Variants in ZNF695 observed in about 807,000 individuals in gnomAD.
ZNF695 encodes zinc finger protein SBZF3.
A neutral mutation model predicts 11.2 loss-of-function variants in ZNF695; 11 were observed. The observed-to-expected ratio is 0.98, with a 90% CI of 0.62 to 1.62. ZNF695 has a LOEUF of 1.62. Among genes scored for constraint, ZNF695 ranks in the 40% most tolerant of loss-of-function variants. The pLI is 0.00. For missense variants in ZNF695, 559 were observed against 590.5 expected (o/e 0.95, Z 0.55); for synonymous variants, 190 against 201.4 (o/e 0.94, Z 0.48).
chr1:246,976,588 A>C (rs1293565239), intron 4 of ZNF695, among the ~76,000 whole-genome samples: 1 of 151,576 alleles, frequency 6.6e-6, no homozygotes, highest in Non-Finnish European at 1.5e-5. Context: ...AGGTGAGGAG[A>C]TCGAGACCAT....
At chr1:246,992,747 AG>A (rs1162310859) in intron 3 of ZNF695, among the ~76,000 whole-genome samples, 1 of 152,212 alleles carries the variant, frequency 6.6e-6, no homozygotes, top group Admixed American at 6.5e-5. Context: ...AAGGGTTTGC[AG>A]GTGAGCACAA....
intron 5 of ZNF695, among the ~76,000 whole-genome samples, chr1:246,964,829 G>A (rs946204580): frequency 6.6e-6 from 1 of 151,846 alleles, no homozygotes; most frequent in African/African-American, 2.4e-5. Flanking sequence ...TGAGATCGCG[G>A]CACTGCACTC....
chr1:246,984,652 G>C (rs1334341705), downstream of ZNF695, among the ~76,000 whole-genome samples: 1 of 152,070 alleles, frequency 6.6e-6, no homozygotes, highest in Non-Finnish European at 1.5e-5. Flanking sequence ...TTGCCCAATA[G>C]AGTCAATAAA....
chr1:246,993,098 CAT>C (rs1446810430), intron 3 of ZNF695, among the ~76,000 whole-genome samples: 1 of 152,108 alleles, frequency 6.6e-6, no homozygotes, highest in African/African-American at 2.4e-5. Context: ...TAAGAGGAAA[CAT>C]GTGAAAACCT....
intron 5 of ZNF695, among the ~76,000 whole-genome samples, chr1:246,946,339 TGTTC>T (rs1667734225): frequency 6.6e-6 from 1 of 152,104 alleles, no homozygotes; most frequent in African/African-American, 2.4e-5. Context: ...AGCCTTTGCC[TGTTC>T]TTGCCTTGCC....
intron 3 of ZNF695, among the ~76,000 whole-genome samples, chr1:246,990,108 TGAAG>T (rs202245310): frequency 2.3e-3 from 276 of 122,400 alleles, no homozygotes; most frequent in African/African-American, 7.1e-3. Context: ...AAGGAATGAA[TGAAG>T]GAAGGAAGGA....
At chr1:246,956,700 A>G (rs1198483458) in intron 5 of ZNF695, among the ~76,000 whole-genome samples, 1 of 152,098 alleles carries the variant, frequency 6.6e-6, no homozygotes, top group Non-Finnish European at 1.5e-5. Context: ...TCATGAAACT[A>G]TTATTGTTAT....
chr1:246,976,631 A>G (rs1217540202), intron 4 of ZNF695, among the ~76,000 whole-genome samples: 7 of 151,614 alleles, frequency 4.6e-5, no homozygotes, highest in Non-Finnish European at 1.0e-4. Flanking sequence ...CGTCTCTACT[A>G]AAAATACAAA....
At chr1:246,980,464 T>G (rs1668679379), downstream of ZNF695, among the ~76,000 whole-genome samples, 4 of 149,914 alleles carry the variant, frequency 2.7e-5, no homozygotes, top group African/African-American at 7.4e-5. Flanking sequence ...TCGCTCAGAC[T>G]GGAGTGCAGT....
intron 3 of ZNF695, among the ~76,000 whole-genome samples, chr1:246,991,838 T>C (rs1424994781): frequency 6.6e-6 from 1 of 152,202 alleles, no homozygotes; most frequent in African/African-American, 2.4e-5. Context: ...CCAGCACTAT[T>C]CACAACAGCC....
chr1:246,996,866 T>TAC (rs1181498666), intron 3 of ZNF695, among the ~76,000 whole-genome samples: 4 of 152,086 alleles, frequency 2.6e-5, no homozygotes, highest in East Asian at 3.8e-4. Flanking sequence ...GCCAGGCAAA[T>TAC]ACACACACAC....
At chr1:246,984,795 A>G (rs772197592), downstream of ZNF695, among the ~76,000 whole-genome samples, 18 of 152,252 alleles carry the variant, frequency 1.2e-4, no homozygotes, top group African/African-American at 1.7e-4. Context: ...GGAATTATTC[A>G]CATCTTCAGA....
chr1:246,971,876 G>A (rs1054677921), intron 4 of ZNF695, among the ~76,000 whole-genome samples: 35 of 151,994 alleles, frequency 2.3e-4, no homozygotes, highest in East Asian at 3.9e-4. Context: ...CACCACACCC[G>A]GCTAATTTTT....
chr1:246,956,188 C>A (rs930996385), intron 5 of ZNF695, among the ~76,000 whole-genome samples: 7 of 151,142 alleles, frequency 4.6e-5, no homozygotes, highest in South Asian at 2.1e-4. Flanking sequence ...TGGGGTTTCA[C>A]CAAGTTGGCC....
intron 4 of ZNF695, among the ~76,000 whole-genome samples, chr1:246,970,401 C>G (rs1668396241): frequency 6.6e-6 from 1 of 152,146 alleles, no homozygotes; most frequent in African/African-American, 2.4e-5. Flanking sequence ...GGAATCCAAA[C>G]AGAGCCCAAG....
chr1:246,987,040 T>C lies in ZNF695; in HGVS notation c.1475A>G (p.Tyr492Cys), dbSNP rs567370243. The change falls in exon 4 of 4, where the codon TAC (tyrosine) becomes TGC (cysteine). Residue 492 changes from tyrosine (Y) to cysteine (C), a missense_variant. Physicochemically the swap from Tyr to Cys is radical, Grantham distance 194. Coordinates refer to ENST00000339986, the MANE Select transcript of ZNF695 (RefSeq NM_020394.5). ...HKTIHTREKP[Y>C]KCEECGKAFN... is the part of the protein sequence containing the mutation. ...GGCTTTGCCACATTCCTCACACTTGTATGGTTTCTCTCTGGTATGAATTGT... is the reference window on the plus strand; with the variant it reads ...GGCTTTGCCACATTCCTCACACTTGCATGGTTTCTCTCTGGTATGAATTGT... 1.9e-6 allele frequency: 3 copies of C among 1,613,772 alleles called. No individual in the cohort carries two copies. The highest frequency in any genetic ancestry group is 1.7e-5 in the Admixed American group (1 of 59,952).
intron 5 of ZNF695, among the ~76,000 whole-genome samples, chr1:246,955,961 A>G (rs1667984531): frequency 6.6e-6 from 1 of 150,474 alleles, no homozygotes; most frequent in Non-Finnish European, 1.5e-5. Context: ...AGATACCCAC[A>G]TGCCAGATAT....
At chr1:246,959,999 A>G (rs1353700926) in intron 5 of ZNF695, among the ~76,000 whole-genome samples, 1 of 152,194 alleles carries the variant, frequency 6.6e-6, no homozygotes, top group African/African-American at 2.4e-5. Context: ...GCAACAGTCA[A>G]TTTCACTGAA....
In ZNF695 at chr1:247,002,323, C is replaced by T. The variant is rs1015034835; in HGVS notation, c.4-2249G>A. 1.1e-4 allele frequency among the ~76,000 whole-genome samples: 17 copies of T among 152,058 alleles called. 1 individual carries two copies. Among genetic ancestry groups the T allele is most frequent in the Non-Finnish European group, 2.4e-4 (16 of 68,014 alleles). On this transcript the variant is annotated intron_variant, in intron 1 of 3. Transcript: ENST00000339986. ...TTTGAAACTAATAAAAAAAAAGATA[C>T]CGCATCCCAGAATCTCTTGGACAGA...
Sources: allele counts gnomAD v4.1 joint callset (sites outside exome capture counted in the v4.1 genomes callset), GRCh38; gene constraint gnomAD v4.1.1; transcripts MANE v1.5; gene names NCBI Gene and HGNC (gene_info 2026-07-23, HGNC 2026-07-21).